Variants in UBE2H observed in about 807,000 individuals in gnomAD.
The protein encoded by UBE2H is ubiquitin conjugating enzyme E2 H, also known as ubiquitin-conjugating enzyme E2 H.
Under a neutral mutation model 29.0 loss-of-function variants are expected in UBE2H, and 3 were observed. That is an observed-to-expected ratio of 0.10 (90% CI 0.05 to 0.27). The LOEUF (loss-of-function observed/expected upper bound fraction) is 0.27. Among genes scored for constraint, UBE2H ranks in the 10% least tolerant of loss-of-function variants. The probability of loss-of-function intolerance (pLI) is 1.00; values close to 1 mark genes in which losing one functional copy is unlikely to be tolerated. For synonymous variants in UBE2H, 69 were observed against 82.9 expected (o/e 0.83, Z 0.91); for missense variants, 68 against 228.2 (o/e 0.30, Z 4.52).
In UBE2H at chr7:129,865,614, T is replaced by C. The variant is rs1023676405; in HGVS notation, c.206-6673A>G. The stretch of plus-strand genomic sequence containing the variant: ...CAGCAGCTACATCCCAGGGATAAAA[T>C]AAGCCTAGGCTAAGGTGGTTCAGAC... On this transcript the variant is annotated intron_variant, in intron 3 of 6. Coordinates refer to ENST00000355621, the MANE Select transcript of UBE2H (RefSeq NM_003344.4). 2.6e-5 allele frequency among the ~76,000 whole-genome samples: 4 copies of C among 152,300 alleles called. No homozygotes were observed. In the East Asian group the frequency reaches 5.8e-4, roughly 22 times the overall value.
chr7:129,937,718 T>A (rs1040765246), intron 1 of UBE2H, among the ~76,000 whole-genome samples: 2 of 152,232 alleles, frequency 1.3e-5, no homozygotes, highest in African/African-American at 4.8e-5. Context: ...CTCCTTTCCT[T>A]CTTCCAACCA....
intron 1 of UBE2H, among the ~76,000 whole-genome samples, chr7:129,946,527 G>C (rs1807769462): frequency 6.6e-6 from 1 of 152,208 alleles, no homozygotes; most frequent in African/African-American, 2.4e-5. Flanking sequence ...TTCTTAAACA[G>C]TGGTCCTGGA....
At chr7:129,905,226 T>C (rs1806792199) in intron 1 of UBE2H, among the ~76,000 whole-genome samples, 1 of 151,736 alleles carries the variant, frequency 6.6e-6, no homozygotes, top group Admixed American at 6.6e-5. Context: ...CAGGGGCCAC[T>C]GAAGCAACTA....
At position 129,848,226 on chromosome 7, in the gene UBE2H, CAAAAACA is replaced by C. The variant is rs760049808; in HGVS notation, c.299-8898_299-8892del. Reference sequence around the variant, plus strand: ...CGACAGAGCAAGACTCTGTCTCAAACAAAAACAAAAAACAAAAAACACATCACTATGT... The same window carrying C: ...CGACAGAGCAAGACTCTGTCTCAAACAAAAACAAAAAACACATCACTATGT... On this transcript the variant is annotated intron_variant, in intron 5 of 6. Transcript: ENST00000355621. Among the ~76,000 whole-genome samples the C allele has an allele frequency of 1.0e-3, 153 of 152,088 alleles. 1 individual carries two copies. Among genetic ancestry groups the C allele is most frequent in the African/African-American group, 3.3e-3 (135 of 41,490 alleles).
At chr7:129,934,053 C>CA (rs1228336820) in intron 1 of UBE2H, among the ~76,000 whole-genome samples, 1 of 152,136 alleles carries the variant, frequency 6.6e-6, no homozygotes, top group Non-Finnish European at 1.5e-5. Flanking sequence ...CAGGCACAGT[C>CA]ACTCATGCCT....
rs775757716 is a variant in UBE2H, at chr7:129,835,031, G to A, written c.458C>T (p.Ala153Val). 7 of 1,613,922 alleles carry A rather than the reference G, an allele frequency of 4.3e-6. No homozygotes were observed. The highest frequency in any genetic ancestry group is 1.3e-5 in the African/African-American group (1 of 74,840). The change falls in exon 7 of 7, where the codon GCG (alanine) becomes GTG (valine). Residue 153 changes from alanine (A) to valine (V), a missense_variant. By Grantham distance (64) the Ala-to-Val change is moderately conservative. Around this residue, in one of 3 missense-constraint regions of UBE2H, gnomAD observed 25 missense variants for 32.4 expected, o/e 0.77. Coordinates refer to ENST00000355621, the MANE Select transcript of UBE2H (RefSeq NM_003344.4). ...EYIQKYATEE[A>V]LKEQEEGTGD... is the part of the protein sequence containing the mutation. ...GGTACCCTCTTCCTGTTCTTTCAGCGCCTCCTCCGTGGCGTATTTCTGGAT... is the reference window on the plus strand; with the variant it reads ...GGTACCCTCTTCCTGTTCTTTCAGCACCTCCTCCGTGGCGTATTTCTGGAT...
intron 1 of UBE2H, among the ~76,000 whole-genome samples, chr7:129,891,456 T>A (rs1341490284): frequency 6.6e-6 from 1 of 152,092 alleles, no homozygotes; most frequent in East Asian, 1.9e-4. Flanking sequence ...ATACTGTATA[T>A]CCAAAGGTAC....
At chr7:129,912,837 TCAA>T (rs1806965347) in intron 1 of UBE2H, among the ~76,000 whole-genome samples, 1 of 152,180 alleles carries the variant, frequency 6.6e-6, no homozygotes, top group South Asian at 2.1e-4. Context: ...ATGTTCAAGT[TCAA>T]CAAGAACTTA....
chr7:129,875,415 G>A (rs1806127204), intron 3 of UBE2H, among the ~76,000 whole-genome samples: 1 of 152,120 alleles, frequency 6.6e-6, no homozygotes, highest in African/African-American at 2.4e-5. Flanking sequence ...GGTTGCTTCT[G>A]ACTTTTAAGT....
intron 1 of UBE2H, among the ~76,000 whole-genome samples, chr7:129,924,616 T>TCACACA (rs147228151): frequency 0.11 from 16,331 of 143,882 alleles, 910 homozygotes; most frequent in East Asian, 0.19. Flanking sequence ...CCTTTTACAT[T>TCACACA]CACACACACA....
At chr7:129,839,997 A>G (rs373149516) in intron 5 of UBE2H, among the ~76,000 whole-genome samples, 1 of 152,110 alleles carries the variant, frequency 6.6e-6, no homozygotes, top group Admixed American at 6.5e-5. Flanking sequence ...GGTGTGAACC[A>G]CTGCGCTCAG....
At chr7:129,892,152 C>T (rs745392110) in intron 1 of UBE2H, among the ~76,000 whole-genome samples, 1 of 151,988 alleles carries the variant, frequency 6.6e-6, no homozygotes, top group Non-Finnish European at 1.5e-5. Context: ...CGGGGTTTCA[C>T]CGTAGCCAGG....
intron 6 of UBE2H, among the ~76,000 whole-genome samples, chr7:129,838,987 T>A (rs1214251988): frequency 6.6e-6 from 1 of 152,162 alleles, no homozygotes; most frequent in Non-Finnish European, 1.5e-5. Flanking sequence ...GCACGTAAAC[T>A]GTTTTAAGGA....
intron 1 of UBE2H, among the ~76,000 whole-genome samples, chr7:129,907,549 G>C (rs763906460): frequency 6.6e-6 from 1 of 152,132 alleles, no homozygotes; most frequent in African/African-American, 2.4e-5. Flanking sequence ...AAAGCAAGAC[G>C]GTAGAGAGCC....
intron 1 of UBE2H, among the ~76,000 whole-genome samples, chr7:129,932,852 C>T (rs1807438652): frequency 6.7e-6 from 1 of 149,316 alleles, no homozygotes; most frequent in South Asian, 2.1e-4. Flanking sequence ...GCAAAAAGGG[C>T]ACATAATGAA....
chr7:129,934,631 C>A (rs1445035751), intron 1 of UBE2H, among the ~76,000 whole-genome samples: 5 of 130,484 alleles, frequency 3.8e-5, no homozygotes, highest in Admixed American at 1.6e-4. Flanking sequence ...GAGCAAGACT[C>A]CGTCTTTAAA....
intron 1 of UBE2H, among the ~76,000 whole-genome samples, chr7:129,949,435 A>G (rs1056043926): frequency 5.3e-5 from 8 of 152,284 alleles, no homozygotes; most frequent in Admixed American, 4.6e-4. Context: ...TTTTACTGGG[A>G]CACATTCCTA....
chr7:129,899,440 C>T (rs375483122), intron 1 of UBE2H, among the ~76,000 whole-genome samples: 68 of 152,318 alleles, frequency 4.5e-4, no homozygotes, highest in African/African-American at 3.6e-4. Context: ...AATTGCCAAA[C>T]GCAGCTCAAA....
At chr7:129,874,170 T>C (rs1806099039) in intron 3 of UBE2H, among the ~76,000 whole-genome samples, 2 of 152,204 alleles carry the variant, frequency 1.3e-5, no homozygotes, top group South Asian at 2.1e-4. Flanking sequence ...AAATGACATC[T>C]TAATTTTATC....
Sources: gnomAD v4.1 joint callset for allele counts (sites outside exome capture counted in the v4.1 genomes callset) on GRCh38, gnomAD v4.1.1 for gene constraint, gnomAD v4.1.1 regional missense constraint, MANE v1.5 for transcripts, NCBI Gene and HGNC (gene_info 2026-07-23, HGNC 2026-07-21) for gene names.